PBX1: variants seen among roughly 807,000 people sequenced by gnomAD.
The protein encoded by PBX1 is pre-B-cell leukemia transcription factor 1.
In PBX1, 6 loss-of-function variants were observed where a neutral mutation model predicts 53.4. The ratio of observed to expected loss-of-function variants is 0.11; its 90% CI spans 0.06 to 0.22. The LOEUF is 0.22. Among genes scored for constraint, PBX1 ranks in the 10% least tolerant of loss-of-function variants. PBX1 has a pLI of 1.00. For synonymous variants in PBX1, 204 were observed against 212.3 expected (o/e 0.96, Z 0.34); for missense variants, 251 against 551.4 (o/e 0.46, Z 5.46).
At chr1:164,814,024 C>G (rs1339182373) in intron 6 of PBX1, 2 of 152,158 alleles carry the variant, frequency 1.3e-5, no homozygotes, top group Non-Finnish European at 2.9e-5. Context: ...ATAATCTGCA[C>G]AGGAACCCCT....
In PBX1 at chr1:164,669,549, A is replaced by G. The variant is rs189722846; in HGVS notation, c.265+106238A>G. 1.4e-4 allele frequency among the ~76,000 whole-genome samples: 22 copies of G among 152,258 alleles called. No individual in the cohort carries two copies. The East Asian group carries it at 4.3e-3, about 29-fold the overall frequency. Reference sequence around the variant, plus strand: ...CTACTTCCAGGAAGTAGTCTTAAGTATGGGCTGGGTTCTAGCTCCAATAGT... The same window carrying G: ...CTACTTCCAGGAAGTAGTCTTAAGTGTGGGCTGGGTTCTAGCTCCAATAGT... On this transcript the variant is annotated intron_variant, in intron 2 of 8. Transcript: ENST00000420696.
chr1:164,599,071 A>ATTT (rs375145672), intron 2 of PBX1, among the ~76,000 whole-genome samples: 62,232 of 118,512 alleles, frequency 0.53, 17,769 homozygotes, highest in Admixed American at 0.57. Context: ...TTTCCTCCTG[A>ATTT]TTTTTTTTTT....
At chr1:164,707,312 A>G (rs1663474420) in intron 2 of PBX1, among the ~76,000 whole-genome samples, 1 of 151,972 alleles carries the variant, frequency 6.6e-6, no homozygotes, top group African/African-American at 2.4e-5. Flanking sequence ...GAAGGAGAGC[A>G]CTGAGTAAGC....
intron 2 of PBX1, among the ~76,000 whole-genome samples, chr1:164,623,074 A>C (rs974489722): frequency 2.0e-5 from 3 of 152,028 alleles, no homozygotes; most frequent in African/African-American, 7.2e-5. Flanking sequence ...CGGCCTCCCA[A>C]AGTGCTAGGA....
At chr1:164,714,619 A>T (rs922393427) in intron 2 of PBX1, among the ~76,000 whole-genome samples, 1 of 152,230 alleles carries the variant, frequency 6.6e-6, no homozygotes, top group African/African-American at 2.4e-5. Context: ...AATAGCTTCC[A>T]TATTCCTTTA....
intron 2 of PBX1, among the ~76,000 whole-genome samples, chr1:164,716,479 A>G (rs1367658216): frequency 6.6e-6 from 1 of 152,176 alleles, no homozygotes; most frequent in African/African-American, 2.4e-5. Context: ...ATGATGGCAG[A>G]TGGCAGTGCG....
At chr1:164,627,496 T>C (rs1226733179) in intron 2 of PBX1, among the ~76,000 whole-genome samples, 1 of 152,034 alleles carries the variant, frequency 6.6e-6, no homozygotes, top group African/African-American at 2.4e-5. Flanking sequence ...CATGGTAGAG[T>C]CAGAGGTGGT....
At chr1:164,811,390 CA>C (rs1669604666) in intron 5 of PBX1, among the ~76,000 whole-genome samples, 1 of 152,168 alleles carries the variant, frequency 6.6e-6, no homozygotes. Context: ...TTGTATGCTA[CA>C]GTTTTTCCTT....
rs191211899 is a variant in PBX1, at chr1:164,635,379, G to A, written c.265+72068G>A. On this transcript the variant is annotated intron_variant, in intron 2 of 8. Coordinates refer to ENST00000420696, the MANE Select transcript of PBX1 (RefSeq NM_002585.4). Reference sequence around the variant, plus strand: ...AACCACCAAAGCAGTCAAATGCAAAGCAGTAAGAGGCCTTTCTCAGTGCGA... The same window carrying A: ...AACCACCAAAGCAGTCAAATGCAAAACAGTAAGAGGCCTTTCTCAGTGCGA... Among the ~76,000 whole-genome samples, 4 of 152,292 alleles carry A rather than the reference G, an allele frequency of 2.6e-5. No homozygotes were observed. The East Asian group carries it at 7.7e-4, about 29-fold the overall frequency.
intron 2 of PBX1, among the ~76,000 whole-genome samples, chr1:164,575,551 G>T (rs1196310749): frequency 6.6e-6 from 1 of 152,128 alleles, no homozygotes; most frequent in Non-Finnish European, 1.5e-5. Context: ...CACTGTAAGA[G>T]AATCCTCCTT....
At chr1:164,616,135 A>G (rs1276138971) in intron 2 of PBX1, among the ~76,000 whole-genome samples, 6 of 152,178 alleles carry the variant, frequency 3.9e-5, no homozygotes, top group Non-Finnish European at 8.8e-5. Context: ...CTGGAGTGGC[A>G]GCTGTGTGAC....
Position 164,846,802 on chromosome 1 carries a change from G to C in PBX1, c.*126G>C. ...GAAGCAATCAGCAAACACAATAAGAGTCTCCTTCTCTTCTCTTCTTTGGGA... is the reference window on the plus strand; with the variant it reads ...GAAGCAATCAGCAAACACAATAAGACTCTCCTTCTCTTCTCTTCTTTGGGA... On this transcript the variant is annotated 3_prime_UTR_variant, in exon 9 of 9. Transcript: ENST00000420696. The C allele has an allele frequency of 6.5e-7, 1 of 1,548,444 alleles. No individual in the cohort carries two copies. Among genetic ancestry groups the C allele is most frequent in the Non-Finnish European group, 8.7e-7 (1 of 1,147,862 alleles).
At chr1:164,676,450 G>T (rs1192245407) in intron 2 of PBX1, among the ~76,000 whole-genome samples, 1 of 152,154 alleles carries the variant, frequency 6.6e-6, no homozygotes, top group East Asian at 1.9e-4. Flanking sequence ...AGGCCGAGAG[G>T]CAGGATTGTG....
chr1:164,681,367 A>C (rs913313647), intron 2 of PBX1, among the ~76,000 whole-genome samples: 2 of 152,200 alleles, frequency 1.3e-5, no homozygotes, highest in Non-Finnish European at 2.9e-5. Context: ...ATACATATTC[A>C]TATGTATTTT....
chr1:164,767,953 C>G (rs1249674119), intron 2 of PBX1, among the ~76,000 whole-genome samples: 1 of 151,942 alleles, frequency 6.6e-6, no homozygotes, highest in African/African-American at 2.4e-5. Context: ...TGTGGTTTAA[C>G]TCTACATCTT....
chr1:164,733,186 A>G (rs567353692), intron 2 of PBX1, among the ~76,000 whole-genome samples: 4 of 152,292 alleles, frequency 2.6e-5, no homozygotes, highest in Admixed American at 2.0e-4. Flanking sequence ...CTGGCTCTGC[A>G]TGGATCTCAT....
chr1:164,702,789 G>T (rs1299574209), intron 2 of PBX1, among the ~76,000 whole-genome samples: 1 of 152,126 alleles, frequency 6.6e-6, no homozygotes, highest in Non-Finnish European at 1.5e-5. Context: ...GTGTCTATAG[G>T]ATGAGGAGGA....
At chr1:164,854,952 T>C (rs1391930648), downstream of PBX1, among the ~76,000 whole-genome samples, 1 of 148,358 alleles carries the variant, frequency 6.7e-6, no homozygotes, top group East Asian at 2.0e-4. Flanking sequence ...TCTCTTTTTT[T>C]TTTTTTTTTT....
intron 2 of PBX1, among the ~76,000 whole-genome samples, chr1:164,751,896 A>G (rs1015966911): frequency 6.6e-6 from 1 of 152,116 alleles, no homozygotes; most frequent in Non-Finnish European, 1.5e-5. Context: ...TATTGCTTTT[A>G]AATGAATTAA....
Sources: allele counts gnomAD v4.1 joint callset (sites outside exome capture counted in the v4.1 genomes callset), GRCh38; gene constraint gnomAD v4.1.1; transcripts MANE v1.5; gene names NCBI Gene and HGNC (gene_info 2026-07-23, HGNC 2026-07-21).